The following L3MBTL4 variants were observed in gnomAD, a reference collection of about 807,000 sequenced individuals.
L3MBTL4 encodes lethal(3)malignant brain tumor-like protein 4.
In L3MBTL4, 70 loss-of-function variants were observed where a neutral mutation model predicts 84.5. That is an observed-to-expected ratio of 0.83 (90% CI 0.68 to 1.01). L3MBTL4 has a LOEUF of 1.01. Among genes scored for constraint, L3MBTL4 ranks in the 50% least tolerant of loss-of-function variants. The pLI, the probability that L3MBTL4 is intolerant of heterozygous loss-of-function variation, is 0.00. For synonymous variants in L3MBTL4, 274 were observed against 259.8 expected, an observed-to-expected ratio of 1.05 and a Z score of -0.52; for missense variants, 715 against 754.8, an observed-to-expected ratio of 0.95 and a Z score of 0.62.
chr18:6,352,706 AGGG>A (rs2053253686), intron 1 of L3MBTL4, among the ~76,000 whole-genome samples: 2 of 152,222 alleles, frequency 1.3e-5, no homozygotes, highest in Non-Finnish European at 2.9e-5. Flanking sequence ...GAAAATGCAA[AGGG>A]ATGCTATATC....
intron 12 of L3MBTL4, among the ~76,000 whole-genome samples, chr18:6,196,552 A>T (rs1040944895): frequency 4.6e-5 from 7 of 152,164 alleles, no homozygotes; most frequent in Admixed American, 3.3e-4. Context: ...TCAAATTCTG[A>T]ATTGAATATT....
rs570829717 is a variant in L3MBTL4, at chr18:6,311,527, G to C, written c.72+27C>G. On this transcript the variant is annotated intron_variant, in intron 3 of 18. Coordinates refer to ENST00000317931, the MANE Select transcript of L3MBTL4 (RefSeq NM_001330559.2). ...TTTTGGTAGCGATCACACACTGTGAGGAAGGGTCCAGGGATGGACATCTTA... is the reference window on the plus strand; with the variant it reads ...TTTTGGTAGCGATCACACACTGTGACGAAGGGTCCAGGGATGGACATCTTA... 5.6e-6 allele frequency: 9 copies of C among 1,595,696 alleles called. No homozygotes were observed. The East Asian group carries it at 2.0e-4, about 36-fold the overall frequency.
At chr18:6,264,479 G>T (rs2048542096) in intron 4 of L3MBTL4, among the ~76,000 whole-genome samples, 1 of 152,136 alleles carries the variant, frequency 6.6e-6, no homozygotes, top group African/African-American at 2.4e-5. Flanking sequence ...GGCAGTATTT[G>T]TCAAAGCTTA....
intron 16 of L3MBTL4, among the ~76,000 whole-genome samples, chr18:6,049,367 G>C (rs2056758253): frequency 6.6e-6 from 1 of 152,176 alleles, no homozygotes; most frequent in South Asian, 2.1e-4. Flanking sequence ...TTAATGTCCA[G>C]AATCTATAAG....
At chr18:6,411,448 G>A (rs761626802) in intron 1 of L3MBTL4, among the ~76,000 whole-genome samples, 1 of 152,172 alleles carries the variant, frequency 6.6e-6, no homozygotes, top group Non-Finnish European at 1.5e-5. Context: ...CCCACAGCTT[G>A]CACTGATGTG....
At chr18:6,215,909 G>GA in intron 10 of L3MBTL4, 74 bp from the exon 11 acceptor site, 1 of 786,788 alleles carries the variant, frequency 1.3e-6, no homozygotes, top group Non-Finnish European at 2.0e-6. Flanking sequence ...CAAAACGTTG[G>GA]ATGATATGAC....
chr18:6,239,924 T>C lies in L3MBTL4; in HGVS notation c.553-52A>G, dbSNP rs776626615. ...GCACAAAAAGAAACAGGACACCAAA[T>C]AGGACTGAGCCACTGTCAAAACTTC... On this transcript the variant is annotated intron_variant, in intron 8 of 18. Coordinates refer to ENST00000317931, the MANE Select transcript of L3MBTL4 (RefSeq NM_001330559.2). 128 of 1,598,242 alleles carry C rather than the reference T, an allele frequency of 8.0e-5. No individual in the cohort carries two copies. In the South Asian group the frequency reaches 1.2e-3, roughly 15 times the overall value.
intron 14 of L3MBTL4, among the ~76,000 whole-genome samples, chr18:6,120,222 G>A (rs960113197): frequency 3.3e-5 from 5 of 152,170 alleles, no homozygotes; most frequent in African/African-American, 7.2e-5. Flanking sequence ...TCTCGGAACC[G>A]ACCACGTGCC....
intron 13 of L3MBTL4, among the ~76,000 whole-genome samples, chr18:6,168,207 C>G (rs2043777499): frequency 6.6e-6 from 1 of 152,074 alleles, no homozygotes; most frequent in African/African-American, 2.4e-5. Flanking sequence ...ACATTCCATG[C>G]TCATGGGTAG....
At chr18:6,136,545 G>A (rs59013554) in intron 14 of L3MBTL4, among the ~76,000 whole-genome samples, 5,376 of 152,278 alleles carry the variant, frequency 0.035, 334 homozygotes, top group African/African-American at 0.12. Context: ...CCAATCAGAT[G>A]TTTGCATAGG....
At chr18:5,993,454 C>A (rs1403167243) in intron 16 of L3MBTL4, among the ~76,000 whole-genome samples, 1 of 152,202 alleles carries the variant, frequency 6.6e-6, no homozygotes, top group Non-Finnish European at 1.5e-5. Context: ...CATATGCCCA[C>A]TATTTTGGGT....
intron 10 of L3MBTL4, among the ~76,000 whole-genome samples, chr18:6,232,379 T>C (rs1440564219): frequency 1.3e-5 from 2 of 152,082 alleles, no homozygotes; most frequent in East Asian, 1.9e-4. Context: ...TTTGGTATTA[T>C]GGTAATTATG....
chr18:6,286,476 T>TAAG (rs1237830424), intron 4 of L3MBTL4, among the ~76,000 whole-genome samples: 2 of 150,046 alleles, frequency 1.3e-5, no homozygotes, highest in Non-Finnish European at 3.0e-5. Flanking sequence ...ATAATAATAG[T>TAAG]AATAATAATA....
At chr18:6,163,967 G>A (rs899095939) in intron 13 of L3MBTL4, among the ~76,000 whole-genome samples, 3 of 152,240 alleles carry the variant, frequency 2.0e-5, no homozygotes, top group East Asian at 1.9e-4. Context: ...CTGGAAAATC[G>A]GGTCACTCCC....
intron 16 of L3MBTL4, among the ~76,000 whole-genome samples, chr18:6,000,570 T>A (rs73374499): frequency 0.076 from 11,545 of 152,248 alleles, 559 homozygotes; most frequent in East Asian, 0.12. Flanking sequence ...ATTCAACACA[T>A]ACATAATTAG....
intron 12 of L3MBTL4, among the ~76,000 whole-genome samples, chr18:6,204,686 C>T (rs535757308): frequency 3.4e-4 from 52 of 152,312 alleles, no homozygotes; most frequent in African/African-American, 1.3e-3. Flanking sequence ...AAAAACTGTT[C>T]TTGAGAAGCC....
At chr18:6,303,268 A>G (rs66866939) in intron 3 of L3MBTL4, among the ~76,000 whole-genome samples, 28,843 of 151,740 alleles carry the variant, frequency 0.19, 2,877 homozygotes, top group African/African-American at 0.23. Flanking sequence ...TTACAGGTGC[A>G]CACCACCACA....
At chr18:6,240,008 C>T in intron 8 of L3MBTL4, 136 bp from the exon 9 acceptor site, 2 of 734,580 alleles carry the variant, frequency 2.7e-6, no homozygotes, top group Non-Finnish European at 4.4e-6. Context: ...ACAAAGCCAT[C>T]AAATGCCTGT....
intron 13 of L3MBTL4, among the ~76,000 whole-genome samples, chr18:6,164,557 C>A (rs1019875526): frequency 6.6e-6 from 1 of 152,186 alleles, no homozygotes; most frequent in African/African-American, 2.4e-5. Context: ...GCTGCTGATA[C>A]CCAGGCAAAC....
Sources: allele counts gnomAD v4.1 joint callset (sites outside exome capture counted in the v4.1 genomes callset), GRCh38; gene constraint gnomAD v4.1.1; transcripts MANE v1.5; gene names NCBI Gene and HGNC (gene_info 2026-07-23, HGNC 2026-07-21).